TRAPPC9: variants seen among roughly 807,000 people sequenced by gnomAD.
TRAPPC9 encodes trafficking protein particle complex subunit 9.
A neutral mutation model predicts 124.0 loss-of-function variants in TRAPPC9; 83 were observed. The ratio of observed to expected loss-of-function variants is 0.67; its 90% CI spans 0.56 to 0.80. The LOEUF is 0.80. TRAPPC9 is among the 30% of genes least tolerant of loss of function. The pLI is 0.00. For missense variants in TRAPPC9, 1,302 were observed against 1,508.3 expected (o/e 0.86, Z 2.27); for synonymous variants, 638 against 617.5 (o/e 1.03, Z -0.49).
At chr8:139,890,821 A>G (rs1487329643) in intron 20 of TRAPPC9, among the ~76,000 whole-genome samples, 6 of 152,122 alleles carry the variant, frequency 3.9e-5, no homozygotes, top group African/African-American at 1.4e-4. Flanking sequence ...CAATGTGCAC[A>G]TGTACCCTAA....
intron 6 of TRAPPC9, among the ~76,000 whole-genome samples, chr8:140,404,463 C>T (rs1346911384): frequency 6.6e-6 from 1 of 152,118 alleles, no homozygotes; most frequent in Admixed American, 6.6e-5. Context: ...TTGATGAATA[C>T]ATGACTACAT....
intron 2 of TRAPPC9, among the ~76,000 whole-genome samples, chr8:140,444,165 A>T (rs2071153615): frequency 6.7e-6 from 1 of 150,328 alleles, no homozygotes; most frequent in South Asian, 2.1e-4. Flanking sequence ...TGAGCAGAGA[A>T]CATGCCACTG....
chr8:140,123,883 A>G (rs532767837), intron 17 of TRAPPC9, among the ~76,000 whole-genome samples: 3 of 152,306 alleles, frequency 2.0e-5, no homozygotes, highest in African/African-American at 7.2e-5. Flanking sequence ...AGGAGAGGCT[A>G]GGTTATGCTG....
intron 21 of TRAPPC9, among the ~76,000 whole-genome samples, chr8:139,843,312 G>A (rs138995434): frequency 5.3e-5 from 8 of 152,274 alleles, no homozygotes; most frequent in African/African-American, 1.9e-4. Flanking sequence ...GCTGAGACTC[G>A]GCCCCGGGGC....
chr8:140,000,947 G>A (rs138138542), intron 18 of TRAPPC9, among the ~76,000 whole-genome samples: 7,420 of 152,228 alleles, frequency 0.049, 216 homozygotes, highest in African/African-American at 0.078. Context: ...GTTTACTGCA[G>A]CACTATTCAC....
chr8:140,080,802 T>C (rs1252769350), intron 17 of TRAPPC9, among the ~76,000 whole-genome samples: 1 of 152,196 alleles, frequency 6.6e-6, no homozygotes. Context: ...TCTAGTGCTA[T>C]GGGCCAGAGC....
Position 140,225,105 on chromosome 8 carries a change from G to A in TRAPPC9, c.2432-3522C>T, listed in dbSNP as rs183366874. ...AAGGATTTATCACAACGCCTGGTAC[G>A]GGGCAAGCATTCAGTAAAAAGAGCT... On this transcript the variant is annotated intron_variant, in intron 16 of 22. Coordinates refer to ENST00000438773, the MANE Select transcript of TRAPPC9 (RefSeq NM_001160372.4). Among the ~76,000 whole-genome samples the A allele has an allele frequency of 2.0e-3, 311 of 152,308 alleles. 3 individuals are homozygous for A. Among genetic ancestry groups the A allele is most frequent in the South Asian group, 0.016 (77 of 4,818 alleles).
intron 15 of TRAPPC9, among the ~76,000 whole-genome samples, chr8:140,269,044 C>T (rs977411767): frequency 4.6e-5 from 7 of 152,052 alleles, no homozygotes; most frequent in Admixed American, 1.3e-4. Context: ...GTGGCGGAAA[C>T]GTTCTATATC....
At chr8:140,165,095 G>C (rs2061811920) in intron 17 of TRAPPC9, among the ~76,000 whole-genome samples, 1 of 152,158 alleles carries the variant, frequency 6.6e-6, no homozygotes, top group East Asian at 1.9e-4. Flanking sequence ...TGAGTACTAG[G>C]CTGGGCGCAC....
chr8:140,142,667 C>T (rs1278709186), intron 17 of TRAPPC9, among the ~76,000 whole-genome samples: 1 of 152,218 alleles, frequency 6.6e-6, no homozygotes, highest in Non-Finnish European at 1.5e-5. Context: ...GACATCTTAC[C>T]CACATTTCTC....
chr8:140,302,335 A>G (rs895449406), intron 10 of TRAPPC9, among the ~76,000 whole-genome samples: 28 of 152,272 alleles, frequency 1.8e-4, no homozygotes, highest in African/African-American at 6.5e-4. Context: ...GCCCTTCATT[A>G]TGCCTTTATC....
intron 21 of TRAPPC9, among the ~76,000 whole-genome samples, chr8:139,847,887 C>T (rs995378592): frequency 6.6e-6 from 1 of 152,248 alleles, no homozygotes; most frequent in Non-Finnish European, 1.5e-5. Flanking sequence ...CTTAAAGACC[C>T]TCCAAGGCAA....
chr8:139,855,734 C>T (rs981735868), intron 21 of TRAPPC9, among the ~76,000 whole-genome samples: 1 of 152,236 alleles, frequency 6.6e-6, no homozygotes, highest in Admixed American at 6.5e-5. Context: ...TGGGGCATGT[C>T]CTGTCTTCTG....
chr8:140,109,563 C>T (rs1181577017), intron 17 of TRAPPC9, among the ~76,000 whole-genome samples: 2 of 152,104 alleles, frequency 1.3e-5, no homozygotes, highest in African/African-American at 4.8e-5. Context: ...ATACAATTTA[C>T]CCCTCAGGGT....
At chr8:140,100,068 A>G (rs1437666954) in intron 17 of TRAPPC9, 3 of 149,424 alleles carry the variant, frequency 2.0e-5, no homozygotes, top group Non-Finnish European at 4.4e-5. Flanking sequence ...TCTTCAGGGT[A>G]TTGACGCCCA....
At chr8:140,085,182 A>G (rs1042491506) in intron 17 of TRAPPC9, among the ~76,000 whole-genome samples, 5 of 152,186 alleles carry the variant, frequency 3.3e-5, no homozygotes, top group African/African-American at 1.2e-4. Context: ...GACGCTCCAC[A>G]GTCTCTCCTG....
At chr8:139,761,098 T>C (rs1403792238) in intron 21 of TRAPPC9, among the ~76,000 whole-genome samples, 3 of 152,244 alleles carry the variant, frequency 2.0e-5, no homozygotes, top group African/African-American at 4.8e-5. Context: ...AACAGGGTTT[T>C]TGAAGGCAAC....
intron 9 of TRAPPC9, among the ~76,000 whole-genome samples, chr8:140,312,221 C>T (rs2066316176): frequency 6.6e-6 from 1 of 152,156 alleles, no homozygotes; most frequent in Non-Finnish European, 1.5e-5. Flanking sequence ...CAAGGAAGTC[C>T]CTCCTTGCAG....
rs1842746775 is a variant in TRAPPC9 at position 140,063,516 on chromosome 8, A to G, written c.2557-39437T>C. ...CAGACTGTGCCTTATCCAAGCCTATACCATAAGAGGCCCAGGAGAAATGTT... is the reference window on the plus strand; with the variant it reads ...CAGACTGTGCCTTATCCAAGCCTATGCCATAAGAGGCCCAGGAGAAATGTT... On this transcript the variant is annotated intron_variant, in intron 17 of 22. Transcript: ENST00000438773. This position sits in a 1 kb window ranked among gnomAD's most constrained non-coding sequence, Gnocchi z 4.3. Among the ~76,000 whole-genome samples, 1 of 152,162 alleles carries G rather than the reference A, an allele frequency of 6.6e-6. No homozygotes were observed. The highest frequency in any genetic ancestry group is 1.5e-5 in the Non-Finnish European group (1 of 68,044).
Sources: allele counts gnomAD v4.1 joint callset (sites outside exome capture counted in the v4.1 genomes callset), GRCh38; gene constraint gnomAD v4.1.1; non-coding constraint Gnocchi (gnomAD v3.1); transcripts MANE v1.5; gene names NCBI Gene and HGNC (gene_info 2026-07-23, HGNC 2026-07-21).